Variants in FUT4 observed in about 807,000 individuals in gnomAD.
FUT4 encodes alpha-(1,3)-fucosyltransferase 4.
In FUT4, 1 loss-of-function variant was observed where a neutral mutation model predicts 3.8. The observed-to-expected ratio is 0.26, with a 90% CI of 0.09 to 1.25. FUT4 has a LOEUF of 1.25. Ranked by LOEUF, FUT4 falls within the 50% of genes most tolerant of loss-of-function variation. The probability of loss-of-function intolerance (pLI) is 0.47; values close to 1 mark genes in which losing one functional copy is unlikely to be tolerated. For synonymous variants in FUT4, 417 were observed against 355.3 expected (o/e 1.17, Z -1.95); for missense variants, 880 against 768.2 (o/e 1.15, Z -1.72).
Position 94,546,040 on chromosome 11 carries a change from G to T in FUT4, c.*314G>T, listed in dbSNP as rs1018679315. On this transcript the variant is annotated 3_prime_UTR_variant, in exon 1 of 1. Coordinates refer to ENST00000358752, the MANE Select transcript of FUT4 (RefSeq NM_002033.4). ...TGAAATAGCTTAGCGGCAAGAAGCC[G>T]TTGAGGCGGTTTCCTGAATTTCCCC... The T allele has an allele frequency of 6.7e-6, 3 of 445,086 alleles. No homozygotes were observed. The highest frequency in any genetic ancestry group is 3.4e-5 in the Admixed American group (1 of 29,568). The allele number at this position is 445,086 out of a possible 1,614,324, so 27.6% of individuals were successfully genotyped here.
Position 94,544,451 on chromosome 11 carries a change from C to T in FUT4, c.318C>T (p.Cys106=), listed in dbSNP as rs768744204. 5.3e-6 allele frequency: 8 copies of T among 1,508,990 alleles called. No homozygotes were observed. The highest frequency in any genetic ancestry group is 7.0e-6 in the Non-Finnish European group (8 of 1,136,016). 93.5% of individuals were successfully genotyped at this position (1,508,990 alleles called of 1,614,324 possible). A position where few individuals can be genotyped will look rare whatever the true frequency, so the allele number is the denominator to read the frequency against. ...LEPQLQHESR[C]RSSTPADAWR... ...CGCAGCTACAGCATGAGAGCCGGTG[C>T]CGCTCCTCCACGCCTGCGGACGCGT... The change falls in exon 1 of 1, where the codon TGC becomes TGT. Residue 106 remains cysteine (C), a synonymous_variant. Coordinates refer to ENST00000358752, the MANE Select transcript of FUT4 (RefSeq NM_002033.4).
At position 94,546,903 on chromosome 11, in the gene FUT4, A is replaced by T. The variant is rs1947867986; in HGVS notation, c.*1177A>T. 6.0e-6 allele frequency: 1 copy of T among 167,110 alleles called. No homozygotes were observed. Among genetic ancestry groups the T allele is most frequent in the African/African-American group, 2.4e-5 (1 of 41,464 alleles). The allele number at this position is 167,110 out of a possible 1,614,324, so 10.4% of individuals were successfully genotyped here. ...GTTAAATGTTTAGATCCTCAGAACT[A>T]CATTAGTGCCTACTATTAACTTACT... is the stretch of plus-strand genomic sequence containing the variant. On this transcript the variant is annotated 3_prime_UTR_variant, in exon 1 of 1. Transcript: ENST00000358752.
Position 94,545,156 on chromosome 11 carries a change from C to A in FUT4, c.1023C>A (p.Asp341Glu), listed in dbSNP as rs533113027. Residue 341 changes from aspartate (D) to glutamate (E), a missense_variant, in exon 1 of 1, where the codon GAC (aspartate) becomes GAA (glutamate). Coordinates refer to ENST00000358752, the MANE Select transcript of FUT4 (RefSeq NM_002033.4). Reference protein sequence around the residue: ...GYLYPRSHPGDPPSGLAPPLS... With the variant: ...GYLYPRSHPGEPPSGLAPPLS... ...TCTACCCCAGAAGCCACCCCGGCGACCCGCCCTCAGGCCTGGCCCCGCCAC... is the reference window on the plus strand; with the variant it reads ...TCTACCCCAGAAGCCACCCCGGCGAACCGCCCTCAGGCCTGGCCCCGCCAC... The A allele has an allele frequency of 6.2e-6, 10 of 1,609,278 alleles. No homozygotes were observed. In the African/African-American group the frequency reaches 1.2e-4, roughly 19 times the overall value.
chr11:94,544,857 C>T lies in FUT4; in HGVS notation c.724C>T (p.Leu242Phe). 1.2e-6 allele frequency: 2 copies of T among 1,608,016 alleles called. No homozygotes were observed. The highest frequency in any genetic ancestry group is 1.7e-6 in the Non-Finnish European group (2 of 1,179,560). ...GGCCGTGCTTTTCCACCACCGCGAC[C>T]TCGTGAAGGGGCCCCCCGACTGGCC... is the stretch of plus-strand genomic sequence containing the variant. ...AQAVLFHHRD[L>F]VKGPPDWPPP... is the part of the protein sequence containing the mutation. Residue 242 changes from leucine to phenylalanine, a missense_variant, in exon 1 of 1, where the codon CTC becomes TTC. Physicochemically the swap from Leu to Phe is conservative, Grantham distance 22 (BLOSUM62 0). This residue lies in a region of FUT4 where 424 missense variants were observed against 400.4 expected (regional missense o/e 1.06). Coordinates refer to ENST00000358752, the MANE Select transcript of FUT4 (RefSeq NM_002033.4).
rs370382431 is a variant in FUT4 at position 94,545,578 on chromosome 11, A to C, written c.1445A>C (p.Tyr482Ser). The C allele has an allele frequency of 3.7e-6, 6 of 1,613,456 alleles. No homozygotes were observed. Among genetic ancestry groups the C allele is most frequent in the Non-Finnish European group, 5.1e-6 (6 of 1,180,020 alleles). Residue 482 changes from tyrosine to serine, a missense_variant, in exon 1 of 1, where the codon TAT (tyrosine) becomes TCT (serine). Around this residue, in one of 3 missense-constraint regions of FUT4, gnomAD observed 424 missense variants for 400.4 expected, o/e 1.06. Transcript: ENST00000358752. ...TTCCTCGACCGCAACCCCGCGGTCT[A>C]TCGCCGCTACTTCCACTGGCGCCGG... Reference protein sequence around the residue: ...LLFLDRNPAVYRRYFHWRRSY... With the variant: ...LLFLDRNPAVSRRYFHWRRSY...
Position 94,545,209 on chromosome 11 carries a change from G to A in FUT4, c.1076G>A (p.Trp359Ter). Residue 359 changes from tryptophan to a stop codon, truncating the protein, a stop_gained, in exon 1 of 1, where the codon TGG becomes TAG. Transcript: ENST00000358752. LOFTEE classifies it low-confidence loss of function (END_TRUNC). ...TCCAGGAAACAGGGGCTGGTGGCAT[G>A]GGTGGTGAGCCACTGGGACGAGCGC... ...PLSRKQGLVA[W>*]VVSHWDERQA... 4 of 1,611,074 alleles carry A rather than the reference G, an allele frequency of 2.5e-6. No homozygotes were observed. The highest frequency in any genetic ancestry group is 3.4e-6 in the Non-Finnish European group (4 of 1,179,806).
rs1440727695 is a variant in FUT4 at position 94,549,297 on chromosome 11, C to T, written c.*3571C>T. 1 of 167,044 alleles carries T rather than the reference C, an allele frequency of 6.0e-6. No homozygotes were observed. The highest frequency in any genetic ancestry group is 1.5e-5 in the Non-Finnish European group (1 of 68,124). The allele number at this position is 167,044 out of a possible 1,614,324, so 10.3% of individuals were successfully genotyped here. A position where few individuals can be genotyped will look rare whatever the true frequency, so the allele number is the denominator to read the frequency against. On this transcript the variant is annotated 3_prime_UTR_variant, in exon 1 of 1. Transcript: ENST00000358752. The stretch of plus-strand genomic sequence containing the variant: ...ATGTAGGAAGCACCTGGAAAATATT[C>T]GCTGTGATTACCATCAGTCCATTTT...
In FUT4 at chr11:94,545,953, T is replaced by C; in HGVS notation, c.*227T>C. On this transcript the variant is annotated 3_prime_UTR_variant, in exon 1 of 1. Coordinates refer to ENST00000358752, the MANE Select transcript of FUT4 (RefSeq NM_002033.4). Reference sequence around the variant, plus strand: ...GCAATTGGGCTCCCTTTGCTGCTGATGGGCATCATTGTTTAGGGGTGAAGG... The same window carrying C: ...GCAATTGGGCTCCCTTTGCTGCTGACGGGCATCATTGTTTAGGGGTGAAGG... 1 of 692,692 alleles carries C rather than the reference T, an allele frequency of 1.4e-6. No homozygotes were observed. Among genetic ancestry groups the C allele is most frequent in the Admixed American group, 2.0e-5 (1 of 49,006 alleles). 42.9% of individuals were successfully genotyped at this position (692,692 alleles called of 1,614,324 possible).
At position 94,544,233 on chromosome 11, in the gene FUT4, C is replaced by G. The variant is rs754032369; in HGVS notation, c.100C>G (p.Arg34Gly). The G allele has an allele frequency of 9.5e-6, 14 of 1,476,222 alleles. No homozygotes were observed. Among genetic ancestry groups the G allele is most frequent in the Non-Finnish European group, 1.2e-5 (13 of 1,119,236 alleles). 91.4% of individuals were successfully genotyped at this position (1,476,222 alleles called of 1,614,324 possible). ...GGAGGCTCCCGGGGCCTGGTCGGGC[C>G]GGCTGGGCCCCGGGCGCAGTGGAAG... ...PQEAPGAWSGRLGPGRSGRKG... is the reference protein window; with the variant it reads ...PQEAPGAWSGGLGPGRSGRKG... Residue 34 changes from arginine (R) to glycine (G), a missense_variant, in exon 1 of 1, where the codon CGG becomes GGG. By Grantham distance (125) the Arg-to-Gly change is moderately radical. This residue lies in a region of FUT4 where 447 missense variants were observed against 339.5 expected (regional missense o/e 1.32). Transcript: ENST00000358752.
Position 94,544,344 on chromosome 11 carries a change from G to A in FUT4, c.211G>A (p.Gly71Arg), listed in dbSNP as rs1591756006. The part of the protein sequence containing the change: ...ARPARHLGGA[G>R]QGPRPLHSGT... ...CCCCGCCCGGCACTTGGGAGGAGCA[G>A]GGCAGGGCCCGCGGCCTTTGCATTC... Residue 71 changes from glycine (G) to arginine (R), a missense_variant, in exon 1 of 1, where the codon GGG (glycine) becomes AGG (arginine). Transcript: ENST00000358752. The A allele has an allele frequency of 6.4e-7, 1 of 1,552,556 alleles. No homozygotes were observed. Among genetic ancestry groups the A allele is most frequent in the Non-Finnish European group, 8.6e-7 (1 of 1,156,418 alleles).
chr11:94,549,564 C>A lies in FUT4; in HGVS notation c.*3838C>A, dbSNP rs562013125. On this transcript the variant is annotated 3_prime_UTR_variant, in exon 1 of 1. Transcript: ENST00000358752. ...TCTGCTTTCCAATGTGGCTTCCTTACAGTCTGGAACTGACAATATGCAGGA... is the reference window on the plus strand; with the variant it reads ...TCTGCTTTCCAATGTGGCTTCCTTAAAGTCTGGAACTGACAATATGCAGGA... The A allele has an allele frequency of 3.6e-4, 60 of 167,188 alleles. No individual in the cohort carries two copies. Among genetic ancestry groups the A allele is most frequent in the African/African-American group, 1.4e-3 (59 of 41,544 alleles). 10.4% of individuals were successfully genotyped at this position (167,188 alleles called of 1,614,324 possible).
rs1264717247 is a variant in FUT4, at chr11:94,545,479, G to T, written c.1346G>T (p.Arg449Leu). 3 of 1,613,586 alleles carry T rather than the reference G, an allele frequency of 1.9e-6. No homozygotes were observed. The highest frequency in any genetic ancestry group is 2.5e-6 in the Non-Finnish European group (3 of 1,179,928). ...VLGPDRANYE[R>L]FVPRGAFIHV... ...GGCCCAGACCGTGCCAACTACGAGC[G>T]CTTTGTGCCCCGCGGCGCCTTCATC... The change falls in exon 1 of 1, where the codon CGC becomes CTC. Residue 449 changes from arginine (R) to leucine (L), a missense_variant. Physicochemically the swap from Arg to Leu is moderately radical, Grantham distance 102. Coordinates refer to ENST00000358752, the MANE Select transcript of FUT4 (RefSeq NM_002033.4).
Position 94,545,730 on chromosome 11 carries a change from C to A in FUT4, c.*4C>A. 1 of 1,609,324 alleles carries A rather than the reference C, an allele frequency of 6.2e-7. No individual in the cohort carries two copies. The highest frequency in any genetic ancestry group is 1.1e-5 in the South Asian group (1 of 90,648). On this transcript the variant is annotated 3_prime_UTR_variant, in exon 1 of 1. Coordinates refer to ENST00000358752, the MANE Select transcript of FUT4 (RefSeq NM_002033.4). ...GGCCAGCTGGTTCGAGCGGTGAAGC[C>A]GCGCTCCCCTGGAAGCGACCCAGGG...
In FUT4 at chr11:94,544,636, C is replaced by G; in HGVS notation, c.503C>G (p.Thr168Ser). 1 of 1,512,322 alleles carries G rather than the reference C, an allele frequency of 6.6e-7. No homozygotes were observed. Among genetic ancestry groups the G allele is most frequent in the Non-Finnish European group, 8.7e-7 (1 of 1,143,468 alleles). The allele number at this position is 1,512,322 out of a possible 1,614,324, so 93.7% of individuals were successfully genotyped here. A position where few individuals can be genotyped will look rare whatever the true frequency, so the allele number is the denominator to read the frequency against. Residue 168 changes from threonine to serine, a missense_variant, in exon 1 of 1, where the codon ACC becomes AGC. Thr to Ser is a moderately conservative substitution (Grantham distance 58). Transcript: ENST00000358752. Reference sequence around the variant, plus strand: ...GGCTTGACGTGTACGGCGCTGATCACCTACGCTTGCTGGGGGCAGCTGCCG... The same window carrying G: ...GGCTTGACGTGTACGGCGCTGATCAGCTACGCTTGCTGGGGGCAGCTGCCG... ...AAGLTCTALI[T>S]YACWGQLPPL...
At position 94,544,347 on chromosome 11, in the gene FUT4, C is replaced by T. The variant is rs953804525; in HGVS notation, c.214C>T (p.Gln72Ter). 2.3e-5 allele frequency: 36 copies of T among 1,550,200 alleles called. No homozygotes were observed. The highest frequency in any genetic ancestry group is 2.9e-5 in the Non-Finnish European group (34 of 1,155,490). ...CGCCCGGCACTTGGGAGGAGCAGGG[C>T]AGGGCCCGCGGCCTTTGCATTCTGG... Reference protein sequence around the residue: ...RPARHLGGAGQGPRPLHSGTA... With the variant: ...RPARHLGGAG Residue 72 changes from glutamine (Q) to a stop codon, truncating the protein, a stop_gained, in exon 1 of 1, where the codon CAG becomes TAG. Transcript: ENST00000358752. LOFTEE classifies it low-confidence loss of function (END_TRUNC).
In FUT4 at chr11:94,546,277, C is replaced by A; in HGVS notation, c.*551C>A. On this transcript the variant is annotated 3_prime_UTR_variant, in exon 1 of 1. Transcript: ENST00000358752. ...TCCTGAGAAAGGTGAGGAGGGCAGT[C>A]CAAGAGGGGCCGCTGACTTCTTTCA... is the stretch of plus-strand genomic sequence containing the variant. The A allele has an allele frequency of 4.0e-6, 1 of 250,712 alleles. No homozygotes were observed. Among genetic ancestry groups the A allele is most frequent in the South Asian group, 5.8e-5 (1 of 17,262 alleles). The allele number at this position is 250,712 out of a possible 1,614,324, so 15.5% of individuals were successfully genotyped here. A position where few individuals can be genotyped will look rare whatever the true frequency, so the allele number is the denominator to read the frequency against.
At position 94,546,235 on chromosome 11, in the gene FUT4, T is replaced by C; in HGVS notation, c.*509T>C. ...TGCAGGTGGGACTTTGTTGTTTGGA[T>C]TCCTCACAGCCTTGGCTCCTGAGAA... On this transcript the variant is annotated 3_prime_UTR_variant, in exon 1 of 1. Coordinates refer to ENST00000358752, the MANE Select transcript of FUT4 (RefSeq NM_002033.4). The C allele has an allele frequency of 3.3e-6, 1 of 303,706 alleles. No individual in the cohort carries two copies. The highest frequency in any genetic ancestry group is 8.7e-5 in the East Asian group (1 of 11,540). 18.8% of individuals were successfully genotyped at this position (303,706 alleles called of 1,614,324 possible).
At position 94,544,478 on chromosome 11, in the gene FUT4, G is replaced by A; in HGVS notation, c.345G>A (p.Trp115Ter). 6.7e-7 allele frequency: 1 copy of A among 1,490,738 alleles called. No homozygotes were observed. The highest frequency in any genetic ancestry group is 2.2e-5 in the Admixed American group (1 of 45,882). The allele number at this position is 1,490,738 out of a possible 1,614,324, so 92.3% of individuals were successfully genotyped here. ...GCTCCTCCACGCCTGCGGACGCGTG[G>A]CGAGCGGAGGCAGCGCTGCCTGTTC... Reference protein sequence around the residue: ...RCRSSTPADAWRAEAALPVRA... With the variant: ...RCRSSTPADA The change falls in exon 1 of 1, where the codon TGG (tryptophan) becomes TGA (stop). Residue 115 changes from tryptophan to a stop codon, truncating the protein, a stop_gained. Transcript: ENST00000358752. LOFTEE classifies it low-confidence loss of function (END_TRUNC).
Position 94,544,707 on chromosome 11 carries a change from C to T in FUT4, c.574C>T (p.Leu192=), listed in dbSNP as rs113641402. ...AACCCCGTCGCGACCGGTGGGCGTG[C>T]TGCTGTGGTGGGAGCCCTTCGGGGG... ...SPTPSRPVGV[L]LWWEPFGGRD... Residue 192 remains leucine, a synonymous_variant, in exon 1 of 1, where the codon CTG becomes TTG. Transcript: ENST00000358752. The T allele has an allele frequency of 1.8e-4, 272 of 1,545,106 alleles. No homozygotes were observed. The African/African-American group carries it at 3.3e-3, about 19-fold the overall frequency.
Sources: allele counts gnomAD v4.1 joint callset, GRCh38; gene constraint gnomAD v4.1.1; regional missense constraint gnomAD v4.1.1; transcripts MANE v1.5; gene names NCBI Gene and HGNC (gene_info 2026-07-23, HGNC 2026-07-21).